CRB1: variants seen among roughly 807,000 people sequenced by gnomAD.
CRB1 encodes protein crumbs homolog 1.
A neutral mutation model predicts 120.0 loss-of-function variants in CRB1; 83 were observed. That is an observed-to-expected ratio of 0.69 (90% CI 0.58 to 0.83). The LOEUF (loss-of-function observed/expected upper bound fraction) is 0.83. Ranked by LOEUF, CRB1 falls within the 40% of genes least tolerant of loss-of-function variation. The probability of loss-of-function intolerance (pLI) is 0.00; values close to 1 mark genes in which losing one functional copy is unlikely to be tolerated. For missense variants in CRB1, 1,699 were observed against 1,687.6 expected (o/e 1.01, Z -0.12); for synonymous variants, 625 against 612.5 (o/e 1.02, Z -0.30).
intron 5 of CRB1, among the ~76,000 whole-genome samples, chr1:197,383,413 A>C (rs1024537936): frequency 6.6e-6 from 1 of 152,320 alleles, no homozygotes; most frequent in Middle Eastern, 3.4e-3. Flanking sequence ...CCTTTACATG[A>C]CTATGAATAA....
rs774390696 is a variant in CRB1, at chr1:197,435,353, T to A, written c.3490T>A (p.Ser1164Thr). ...AGACATCTATAGCTCTTATCATTGC[T>A]CCTGTCCCTTGGGATGGTCAGGGAA... ...CEDIYSSYHCSCPLGWSGKHC... is the reference protein window; with the variant it reads ...CEDIYSSYHCTCPLGWSGKHC... Residue 1164 changes from serine to threonine, a missense_variant, in exon 9 of 12, where the codon TCC (serine) becomes ACC (threonine). Transcript: ENST00000367400. 5 of 1,613,414 alleles carry A rather than the reference T, an allele frequency of 3.1e-6. No individual in the cohort carries two copies. In the African/African-American group the frequency reaches 6.7e-5, roughly 22 times the overall value.
At chr1:197,410,311 G>C (rs1294155439) in intron 5 of CRB1, among the ~76,000 whole-genome samples, 1 of 152,174 alleles carries the variant, frequency 6.6e-6, no homozygotes, top group Non-Finnish European at 1.5e-5. Flanking sequence ...GCCATCTCCA[G>C]TTTTAAACAT....
At chr1:197,282,365 C>T (rs190354467) in intron 1 of CRB1, among the ~76,000 whole-genome samples, 1 of 151,782 alleles carries the variant, frequency 6.6e-6, no homozygotes, top group Non-Finnish European at 1.5e-5. Flanking sequence ...AATAATTTTA[C>T]ACTATGGATT....
At chr1:197,459,792 C>G (rs542959882) in intron 11 of CRB1, among the ~76,000 whole-genome samples, 1 of 152,038 alleles carries the variant, frequency 6.6e-6, no homozygotes, top group African/African-American at 2.4e-5. Flanking sequence ...GAACTCAAAG[C>G]AATACAAACT....
At chr1:197,312,324 G>C (rs1217212355) in intron 1 of CRB1, among the ~76,000 whole-genome samples, 8 of 152,282 alleles carry the variant, frequency 5.3e-5, no homozygotes, top group Admixed American at 5.2e-4. Flanking sequence ...AGCAATTTAG[G>C]AGGCCGAGAT....
At chr1:197,309,097 C>G (rs1657354531) in intron 1 of CRB1, among the ~76,000 whole-genome samples, 1 of 151,650 alleles carries the variant, frequency 6.6e-6, no homozygotes, top group Admixed American at 6.6e-5. Context: ...TATACACACA[C>G]ACAATGACAC....
At chr1:197,201,658 G>A in the CRB1 span, among the ~76,000 whole-genome samples, 2 of 152,288 alleles carry the variant, frequency 1.3e-5, no homozygotes, top group South Asian at 2.1e-4. Flanking sequence ...GTAGTTTGCC[G>A]AGGTGCAGTC....
At chr1:197,229,478 C>T in the CRB1 span, among the ~76,000 whole-genome samples, 8 of 152,198 alleles carry the variant, frequency 5.3e-5, no homozygotes, top group East Asian at 1.9e-4. Context: ...CTTTTAGATT[C>T]GGGGGTACAT....
At chr1:197,386,338 A>T (rs1662217132) in intron 5 of CRB1, among the ~76,000 whole-genome samples, 1 of 152,060 alleles carries the variant, frequency 6.6e-6, no homozygotes, top group Non-Finnish European at 1.5e-5. Context: ...TTATTATTCC[A>T]CATCTTTGTA....
intron 11 of CRB1, among the ~76,000 whole-genome samples, chr1:197,461,154 A>G (rs139095522): frequency 9.7e-4 from 147 of 152,248 alleles, no homozygotes; most frequent in Non-Finnish European, 2.1e-3. Flanking sequence ...ATGCTCTCAA[A>G]TTATAGATAC....
At chr1:197,362,277 T>C (rs961708932) in intron 5 of CRB1, among the ~76,000 whole-genome samples, 2 of 152,146 alleles carry the variant, frequency 1.3e-5, no homozygotes, top group African/African-American at 2.4e-5. Context: ...GGATACAATC[T>C]ATCTTGGTAA....
intron 8 of CRB1, among the ~76,000 whole-genome samples, chr1:197,431,072 A>C (rs190477024): frequency 6.6e-6 from 1 of 151,928 alleles, no homozygotes; most frequent in South Asian, 2.1e-4. Flanking sequence ...TCTCAAAAAA[A>C]AATAAAAATA....
intron 5 of CRB1, among the ~76,000 whole-genome samples, chr1:197,374,981 G>A (rs1468226032): frequency 6.6e-6 from 1 of 152,094 alleles, no homozygotes; most frequent in African/African-American, 2.4e-5. Flanking sequence ...GCAGGACCTT[G>A]GGGGTCTTTT....
intron 5 of CRB1, among the ~76,000 whole-genome samples, chr1:197,371,523 C>A (rs540002668): frequency 8.5e-4 from 130 of 152,134 alleles, no homozygotes; most frequent in Non-Finnish European, 1.4e-3. Flanking sequence ...AAAATAGTAT[C>A]TTCCTGCCAC....
At chr1:197,226,674 G>A in the CRB1 span, among the ~76,000 whole-genome samples, 17 of 152,058 alleles carry the variant, frequency 1.1e-4, no homozygotes, top group South Asian at 2.1e-4. Context: ...CTCTCTCTCC[G>A]TGTGTGTTCT....
At chr1:197,399,034 CTA>C (rs776375242) in intron 5 of CRB1, among the ~76,000 whole-genome samples, 5 of 151,920 alleles carry the variant, frequency 3.3e-5, no homozygotes, top group Non-Finnish European at 7.4e-5. Context: ...ATGTATTTCT[CTA>C]TGTTATTCTC....
At chr1:197,356,278 T>C (rs2786099) in intron 4 of CRB1, among the ~76,000 whole-genome samples, 2 of 152,210 alleles carry the variant, frequency 1.3e-5, no homozygotes, top group Non-Finnish European at 2.9e-5. Context: ...TGATATTTAA[T>C]GTTTTAATTA....
the CRB1 span, among the ~76,000 whole-genome samples, chr1:197,202,798 A>G: frequency 6.6e-6 from 1 of 152,162 alleles, no homozygotes; most frequent in Non-Finnish European, 1.5e-5. Flanking sequence ...GTTTTACCCA[A>G]CTCTTCAAAA....
chr1:197,391,280 T>G (rs1348185633), intron 5 of CRB1, among the ~76,000 whole-genome samples: 1 of 152,120 alleles, frequency 6.6e-6, no homozygotes, highest in Non-Finnish European at 1.5e-5. Flanking sequence ...ATCATTTGCC[T>G]TGTTGGCCTG....
Sources: allele counts gnomAD v4.1 joint callset (sites outside exome capture counted in the v4.1 genomes callset), GRCh38; gene constraint gnomAD v4.1.1; transcripts MANE v1.5; gene names NCBI Gene and HGNC (gene_info 2026-07-23, HGNC 2026-07-21).